MINPP1: variants seen among roughly 807,000 people sequenced by gnomAD.
MINPP1 encodes multiple inositol-polyphosphate phosphatase 1, also known as multiple inositol polyphosphate phosphatase 1.
In MINPP1, 28 loss-of-function variants were observed where a neutral mutation model predicts 46.1. That is an observed-to-expected ratio of 0.61 (90% CI 0.45 to 0.83). The LOEUF is 0.83. Among genes scored for constraint, MINPP1 ranks in the 40% least tolerant of loss-of-function variants. The probability of loss-of-function intolerance (pLI) is 0.00; values close to 1 mark genes in which losing one functional copy is unlikely to be tolerated. For missense variants in MINPP1, 603 were observed against 610.0 expected, an observed-to-expected ratio of 0.99 and a Z score of 0.12; for synonymous variants, 268 against 249.1, an observed-to-expected ratio of 1.08 and a Z score of -0.72.
At chr10:87,522,348 A>AT (rs1039026393) in intron 4 of MINPP1, among the ~76,000 whole-genome samples, 1 of 152,124 alleles carries the variant, frequency 6.6e-6, no homozygotes, top group Non-Finnish European at 1.5e-5. Flanking sequence ...AAATAATTGA[A>AT]TTTTTTTAAT....
intron 3 of MINPP1, among the ~76,000 whole-genome samples, chr10:87,514,914 C>G (rs1329888373): frequency 6.6e-6 from 1 of 151,610 alleles, no homozygotes; most frequent in African/African-American, 2.4e-5. Flanking sequence ...TGGGGTTTCA[C>G]CATGTTAGCC....
chr10:87,552,765 CTG>C lies in MINPP1; in HGVS notation c.*288_*289del, dbSNP rs1199011846. On this transcript the variant is annotated 3_prime_UTR_variant, in exon 5 of 5. Coordinates refer to ENST00000371996, the MANE Select transcript of MINPP1 (RefSeq NM_004897.5). The stretch of plus-strand genomic sequence containing the variant: ...TCCTACTTATATAAGAAATCTCACA[CTG>C]AGATAGAATTGTGATTTCATAATAA... 9.8e-6 allele frequency: 4 copies of C among 406,326 alleles called. No homozygotes were observed. The highest frequency in any genetic ancestry group is 8.1e-5 in the African/African-American group (4 of 49,174). 25.2% of individuals were successfully genotyped at this position (406,326 alleles called of 1,614,324 possible).
intron 4 of MINPP1, among the ~76,000 whole-genome samples, chr10:87,522,797 CTT>C (rs1362996129): frequency 6.6e-6 from 1 of 152,090 alleles, no homozygotes; most frequent in Non-Finnish European, 1.5e-5. Context: ...TCAGTTGACT[CTT>C]TCTTTCATGA....
Position 87,552,383 on chromosome 10 carries a change from G to A in MINPP1, c.1369G>A (p.Asp457Asn), listed in dbSNP as rs770684630. 2 of 1,613,524 alleles carry A rather than the reference G, an allele frequency of 1.2e-6. No homozygotes were observed. The highest frequency in any genetic ancestry group is 1.7e-6 in the Non-Finnish European group (2 of 1,179,664). Residue 457 changes from aspartate (D) to asparagine (N), a missense_variant, in exon 5 of 5, where the codon GAT becomes AAT. Transcript: ENST00000371996. ...YSQETVSFYE[D>N]LKNHYKDILQ... ...ACAAGAAACTGTTTCATTTTATGAA[G>A]ATCTGAAGAACCACTACAAGGACAT...
At position 87,505,616 on chromosome 10, in the gene MINPP1, C is replaced by T. The variant is rs1459990465; in HGVS notation, c.637+64C>T. On this transcript the variant is annotated intron_variant, in intron 1 of 4. Transcript: ENST00000371996. This position sits in a 1 kb window ranked among gnomAD's most constrained non-coding sequence, Gnocchi z 4.4. ...CCACCCGCCCTGGATGCTCTCCCGC[C>T]TCCCCCAGACCCTGGGCTTTTCCGA... is the stretch of plus-strand genomic sequence containing the variant. 6 of 1,484,576 alleles carry T rather than the reference C, an allele frequency of 4.0e-6. No homozygotes were observed. The Admixed American group carries it at 1.2e-4, about 29-fold the overall frequency. The allele number at this position is 1,484,576 out of a possible 1,614,324, so 92.0% of individuals were successfully genotyped here.
In MINPP1 at chr10:87,508,477, A is replaced by G; in HGVS notation, c.779A>G (p.Asn260Ser). The change falls in exon 2 of 5, where the codon AAC (asparagine) becomes AGC (serine). Residue 260 changes from asparagine to serine, a missense_variant. Asn to Ser is a conservative substitution (Grantham distance 46, BLOSUM62 1). Coordinates refer to ENST00000371996, the MANE Select transcript of MINPP1 (RefSeq NM_004897.5). ...TTCAAAACTGGACCAGAAATGCAGA[A>G]CATTTTAAAAAAAGTTGCAGCTACT... ...EAFKTGPEMQ[N>S]ILKKVAATLQ... is the part of the protein sequence containing the mutation. 1.2e-6 allele frequency: 2 copies of G among 1,613,918 alleles called. No individual in the cohort carries two copies. The highest frequency in any genetic ancestry group is 1.7e-5 in the Admixed American group (1 of 60,030).
At chr10:87,545,649 A>G (rs1234972080) in intron 4 of MINPP1, among the ~76,000 whole-genome samples, 1 of 152,138 alleles carries the variant, frequency 6.6e-6, no homozygotes, top group Non-Finnish European at 1.5e-5. Flanking sequence ...AGTTATATCT[A>G]GGAAATCAAA....
chr10:87,508,982 G>C (rs1445420214), intron 2 of MINPP1, among the ~76,000 whole-genome samples: 1 of 152,160 alleles, frequency 6.6e-6, no homozygotes, highest in African/African-American at 2.4e-5. Flanking sequence ...TGTTTTTTGA[G>C]TTATATGTAG....
chr10:87,530,183 CCAA>C (rs1851637222), intron 4 of MINPP1, among the ~76,000 whole-genome samples: 1 of 151,972 alleles, frequency 6.6e-6, no homozygotes, highest in Non-Finnish European at 1.5e-5. Context: ...TTTGTTATTA[CCAA>C]TCGTCTGAAG....
chr10:87,545,979 C>T (rs150961583), intron 4 of MINPP1, among the ~76,000 whole-genome samples: 1 of 152,198 alleles, frequency 6.6e-6, no homozygotes, highest in Non-Finnish European at 1.5e-5. Flanking sequence ...GGATTCAGCC[C>T]CGGAGGCCAC....
chr10:87,521,212 A>G, intron 4 of MINPP1, 43 bp downstream of exon 4: 1 of 1,549,968 alleles, frequency 6.5e-7, no homozygotes, highest in East Asian at 2.3e-5. Context: ...TTGAGTTACT[A>G]CTAAACTTCT....
At chr10:87,532,652 A>G (rs941135729) in intron 4 of MINPP1, among the ~76,000 whole-genome samples, 2 of 152,382 alleles carry the variant, frequency 1.3e-5, no homozygotes, top group Non-Finnish European at 1.5e-5. Flanking sequence ...ACCTTAAAAT[A>G]GGAAAGGAGA....
chr10:87,551,667 AAAT>A (rs1433492176), intron 4 of MINPP1, among the ~76,000 whole-genome samples: 1 of 152,146 alleles, frequency 6.6e-6, no homozygotes, highest in Non-Finnish European at 1.5e-5. Flanking sequence ...GATATAAATA[AAAT>A]AATAACACTT....
At chr10:87,537,421 A>T (rs1428159258) in intron 4 of MINPP1, among the ~76,000 whole-genome samples, 1 of 151,546 alleles carries the variant, frequency 6.6e-6, no homozygotes, top group East Asian at 1.9e-4. Flanking sequence ...GATACTGAGC[A>T]TCTTTTCATG....
intron 4 of MINPP1, among the ~76,000 whole-genome samples, chr10:87,533,403 C>A (rs1053221241): frequency 5.3e-5 from 8 of 151,896 alleles, no homozygotes; most frequent in African/African-American, 1.9e-4. Context: ...AAAGTTAAAA[C>A]CAGCAAATTT....
At chr10:87,538,015 G>A (rs572867671) in intron 4 of MINPP1, among the ~76,000 whole-genome samples, 1 of 151,296 alleles carries the variant, frequency 6.6e-6, no homozygotes, top group South Asian at 2.1e-4. Context: ...GTGTTGCCCA[G>A]GCTGGTCTCC....
At chr10:87,513,310 C>A in intron 3 of MINPP1, 89 bp downstream of exon 3, 1 of 874,786 alleles carries the variant, frequency 1.1e-6, no homozygotes. Context: ...AGCAGCTTTT[C>A]AGAAAATGAG....
At chr10:87,529,119 T>G (rs906818077) in intron 4 of MINPP1, among the ~76,000 whole-genome samples, 2 of 152,174 alleles carry the variant, frequency 1.3e-5, no homozygotes, top group African/African-American at 4.8e-5. Context: ...ACATGAGTTG[T>G]GTCTCCTGAA....
chr10:87,534,251 C>T (rs1851702596), intron 4 of MINPP1, among the ~76,000 whole-genome samples: 3 of 151,930 alleles, frequency 2.0e-5, no homozygotes, highest in South Asian at 2.1e-4. Flanking sequence ...GACAGGGTTT[C>T]GCCATGTTGG....
Sources: gnomAD v4.1 joint callset for allele counts (sites outside exome capture counted in the v4.1 genomes callset) on GRCh38, gnomAD v4.1.1 for gene constraint, Gnocchi (gnomAD v3.1) non-coding constraint, MANE v1.5 for transcripts, NCBI Gene and HGNC (gene_info 2026-07-23, HGNC 2026-07-21) for gene names.